The following PARVB variants were observed in gnomAD, a reference collection of about 807,000 sequenced individuals.
PARVB encodes the protein parvin beta, also known as beta-parvin.
In PARVB, 46 loss-of-function variants were observed where a neutral mutation model predicts 47.0. The ratio of observed to expected loss-of-function variants is 0.98; its 90% confidence interval spans 0.77 to 1.25. The LOEUF is 1.25. PARVB is among the 50% of genes most tolerant of loss of function. PARVB has a pLI of 0.00. For missense variants in PARVB, 473 were observed against 471.6 expected (o/e 1.00, Z -0.03); for synonymous variants, 196 against 196.3 (o/e 1.00, Z 0.01).
intron 4 of PARVB, among the ~76,000 whole-genome samples, chr22:44,120,302 A>G (rs1196096400): frequency 1.3e-5 from 2 of 152,202 alleles, no homozygotes; most frequent in Non-Finnish European, 2.9e-5. Context: ...CCAGGAGTGA[A>G]TCACACATGA....
intron 1 of PARVB, among the ~76,000 whole-genome samples, chr22:44,077,624 C>T (rs553566801): frequency 2.0e-5 from 3 of 152,190 alleles, no homozygotes; most frequent in Admixed American, 6.5e-5. Flanking sequence ...GACGGGGAGT[C>T]GCCAGGTGGG....
chr22:44,143,002 C>T (rs1362355960), intron 8 of PARVB: 1 of 152,478 alleles, frequency 6.6e-6, no homozygotes, highest in African/African-American at 2.4e-5. Context: ...CCATTCCCCT[C>T]CTTCAGCCCC....
chr22:44,039,963 T>C, intron 1 of PARVB: 1 of 411,956 alleles, frequency 2.4e-6, no homozygotes. Flanking sequence ...CACAGGTGTG[T>C]ACCACTACAC....
intron 10 of PARVB, chr22:44,153,628 C>T (rs1735634353): frequency 2.0e-5 from 3 of 152,066 alleles, no homozygotes; most frequent in Admixed American, 2.0e-4. Context: ...ATTTTCTATG[C>T]ACAAAGGTAT....
chr22:44,132,181 C>A (rs2147162362), intron 5 of PARVB, among the ~76,000 whole-genome samples: 1 of 152,300 alleles, frequency 6.6e-6, no homozygotes, highest in Admixed American at 6.5e-5. Context: ...CTGTGCTGGG[C>A]CAGAGGTCTC....
intron 1 of PARVB, among the ~76,000 whole-genome samples, chr22:44,073,356 T>G (rs541387803): frequency 6.6e-6 from 1 of 152,078 alleles, no homozygotes; most frequent in African/African-American, 2.4e-5. Flanking sequence ...TAGCTGGGCG[T>G]GGCGGTGCAT....
intron 1 of PARVB, chr22:44,081,638 G>C (rs1032915482): frequency 2.0e-6 from 2 of 982,684 alleles, no homozygotes; most frequent in African/African-American, 3.5e-5. Context: ...GTTTCTCTAA[G>C]AGCCTGGCAG....
intron 1 of PARVB, chr22:44,039,903 C>T: frequency 2.2e-6 from 1 of 453,878 alleles, no homozygotes; most frequent in Non-Finnish European, 4.4e-6. Context: ...CAGCCTCGAA[C>T]TCCTGGCCTC....
At chr22:44,045,181 G>A (rs1766573412) in intron 1 of PARVB, among the ~76,000 whole-genome samples, 1 of 152,138 alleles carries the variant, frequency 6.6e-6, no homozygotes, top group African/African-American at 2.4e-5. Context: ...TTGAGCCCAG[G>A]AGTTTGAGGC....
intron 1 of PARVB, among the ~76,000 whole-genome samples, chr22:44,082,698 A>G (rs1468705118): frequency 6.6e-6 from 1 of 151,982 alleles, no homozygotes; most frequent in Non-Finnish European, 1.5e-5. Context: ...CCAACCTGAC[A>G]TTTTACCGTG....
rs2052102245 is a variant in PARVB, at chr22:44,089,146, C to T, written c.113-4782C>T. Among the ~76,000 whole-genome samples the T allele has an allele frequency of 6.6e-6, 1 of 152,220 alleles. No individual in the cohort carries two copies. Among genetic ancestry groups the T allele is most frequent in the South Asian group, 2.1e-4 (1 of 4,824 alleles). ...TCCTATCAAATGCCCTCCTGTCTCT[C>T]TCTTCCTACCTGGCCCCCCGTGCAG... On this transcript the variant is annotated intron_variant, in intron 1 of 12. Transcript: ENST00000338758. The surrounding 1 kb of genome is among the most constrained non-coding windows in gnomAD (Gnocchi z 4.0).
At chr22:44,077,732 T>C (rs931097114) in intron 1 of PARVB, among the ~76,000 whole-genome samples, 2 of 152,102 alleles carry the variant, frequency 1.3e-5, no homozygotes, top group East Asian at 1.9e-4. Context: ...AGGGGGATAG[T>C]TACTCTTTTT....
intron 6 of PARVB, among the ~76,000 whole-genome samples, chr22:44,134,963 CA>C (rs1191385783): frequency 6.6e-6 from 1 of 152,366 alleles, no homozygotes; most frequent in African/African-American, 2.4e-5. Flanking sequence ...TAGGTGAACA[CA>C]ATGTCTGGAC....
intron 4 of PARVB, among the ~76,000 whole-genome samples, chr22:44,121,552 C>CT (rs768902198): frequency 0.021 from 2,032 of 95,224 alleles, 36 homozygotes; most frequent in African/African-American, 0.062. Flanking sequence ...CTCCTGTGTC[C>CT]TTTTTTAAAA....
chr22:44,119,773 T>A (rs1278057770), intron 4 of PARVB: 1 of 532,378 alleles, frequency 1.9e-6, no homozygotes, highest in Non-Finnish European at 3.9e-6. Context: ...AGACAAATAT[T>A]TTTGAATGGT....
chr22:44,090,691 A>G (rs1216089456), intron 1 of PARVB, among the ~76,000 whole-genome samples: 1 of 152,160 alleles, frequency 6.6e-6, no homozygotes, highest in Non-Finnish European at 1.5e-5. Flanking sequence ...GGCGTAGCCC[A>G]CCTGTGTAAT....
chr22:44,137,992 A>T (rs182727530), intron 7 of PARVB, among the ~76,000 whole-genome samples: 1 of 152,226 alleles, frequency 6.6e-6, no homozygotes, highest in Non-Finnish European at 1.5e-5. Flanking sequence ...GGGGTCCCAT[A>T]TGAGGACAGC....
intron 1 of PARVB, among the ~76,000 whole-genome samples, chr22:44,024,842 C>T (rs2050702537): frequency 6.6e-6 from 1 of 152,170 alleles, no homozygotes; most frequent in African/African-American, 2.4e-5. Flanking sequence ...GCACTCTGGG[C>T]AGACACGGCC....
intron 1 of PARVB, among the ~76,000 whole-genome samples, chr22:44,071,351 C>G (rs1183225701): frequency 6.6e-6 from 1 of 152,230 alleles, no homozygotes; most frequent in African/African-American, 2.4e-5. Flanking sequence ...ATATCCTCCA[C>G]TTCTTCAGTT....
Sources: gnomAD v4.1 joint callset for allele counts (sites outside exome capture counted in the v4.1 genomes callset) on GRCh38, gnomAD v4.1.1 for gene constraint, Gnocchi (gnomAD v3.1) non-coding constraint, MANE v1.5 for transcripts, NCBI Gene and HGNC (gene_info 2026-07-23, HGNC 2026-07-21) for gene names.